NAV3: variants seen among roughly 807,000 people sequenced by gnomAD.
NAV3 encodes the protein pore membrane and/or filament interacting like protein 1.
In NAV3, 87 loss-of-function variants were observed where a neutral mutation model predicts 244.7. The observed-to-expected ratio is 0.36, with a 90% CI of 0.30 to 0.42. NAV3 has a LOEUF of 0.42. Ranked by LOEUF, NAV3 falls within the 20% of genes least tolerant of loss-of-function variation. The probability of loss-of-function intolerance (pLI) is 1.00; values close to 1 mark genes in which losing one functional copy is unlikely to be tolerated. For synonymous variants in NAV3, 1,126 were observed against 1,042.2 expected (o/e 1.08, Z -1.55); for missense variants, 2,663 against 2,893.3 (o/e 0.92, Z 1.83).
At chr12:77,928,171 C>T (rs1212747222) in intron 1 of NAV3, among the ~76,000 whole-genome samples, 2 of 137,072 alleles carry the variant, frequency 1.5e-5, no homozygotes, top group African/African-American at 5.6e-5. Flanking sequence ...TGTAGTGAGC[C>T]GAGACTGCGC....
At chr12:77,816,900 G>C (rs1448931073) in intron 2 of NAV3, among the ~76,000 whole-genome samples, 2 of 152,104 alleles carry the variant, frequency 1.3e-5, no homozygotes, top group Non-Finnish European at 1.5e-5. Flanking sequence ...AACATTTAAA[G>C]CTTGCCGTTC....
At chr12:77,824,659 G>A (rs1177415939) in intron 2 of NAV3, among the ~76,000 whole-genome samples, 1 of 151,960 alleles carries the variant, frequency 6.6e-6, no homozygotes, top group African/African-American at 2.4e-5. Flanking sequence ...TTGGGAGGCC[G>A]AGGAAGGTGG....
At chr12:77,642,637 G>A (rs1156766328) in intron 2 of NAV3, among the ~76,000 whole-genome samples, 1 of 151,982 alleles carries the variant, frequency 6.6e-6, no homozygotes, top group Non-Finnish European at 1.5e-5. Context: ...CCTGGAAATG[G>A]GTTCCTTGGT....
intron 2 of NAV3, among the ~76,000 whole-genome samples, chr12:77,640,935 A>G (rs1185780771): frequency 1.3e-5 from 2 of 152,130 alleles, no homozygotes; most frequent in African/African-American, 4.8e-5. Flanking sequence ...GTGGGCTGAT[A>G]CAAAGTTGTT....
chr12:78,196,871 T>C (rs1317238572), intron 34 of NAV3, among the ~76,000 whole-genome samples: 1 of 151,974 alleles, frequency 6.6e-6, no homozygotes, highest in Non-Finnish European at 1.5e-5. Context: ...TATCATTGAA[T>C]ACCAAAACTC....
intron 34 of NAV3, among the ~76,000 whole-genome samples, chr12:78,193,992 C>T (rs1202612224): frequency 6.6e-6 from 1 of 152,008 alleles, no homozygotes; most frequent in East Asian, 1.9e-4. Flanking sequence ...TCTCTCTGCT[C>T]TTCCTTCACT....
chr12:78,116,031 AT>A (rs1955360885), intron 12 of NAV3, among the ~76,000 whole-genome samples: 1 of 152,184 alleles, frequency 6.6e-6, no homozygotes, highest in Non-Finnish European at 1.5e-5. Context: ...TGGCACGGGC[AT>A]TTCATTTTAG....
At chr12:77,952,718 G>C (rs1891017565) in intron 3 of NAV3, among the ~76,000 whole-genome samples, 1 of 151,964 alleles carries the variant, frequency 6.6e-6, no homozygotes, top group Admixed American at 6.6e-5. Context: ...CCTTCCCTAT[G>C]CCCAAACTTG....
intron 2 of NAV3, among the ~76,000 whole-genome samples, chr12:77,663,207 T>A (rs1419496924): frequency 6.6e-6 from 1 of 152,196 alleles, no homozygotes; most frequent in African/African-American, 2.4e-5. Flanking sequence ...AATTAAGATT[T>A]TTAACTACAT....
intron 2 of NAV3, among the ~76,000 whole-genome samples, chr12:77,700,147 T>C (rs1325306864): frequency 2.0e-5 from 3 of 152,148 alleles, no homozygotes; most frequent in Non-Finnish European, 4.4e-5. Flanking sequence ...CTAATTTGTA[T>C]TGAAATGATT....
chr12:77,612,029 A>G (rs1331820657), intron 2 of NAV3, among the ~76,000 whole-genome samples: 3 of 151,810 alleles, frequency 2.0e-5, no homozygotes, highest in African/African-American at 7.3e-5. Context: ...TTCATTGTAC[A>G]TGTCTAGTTT....
intron 18 of NAV3, among the ~76,000 whole-genome samples, chr12:78,132,680 C>CTTTT (rs942740046): frequency 6.6e-6 from 1 of 151,908 alleles, no homozygotes; most frequent in Non-Finnish European, 1.5e-5. Context: ...TTCCTGTAGA[C>CTTTT]TTTTTTTTAT....
intron 12 of NAV3, among the ~76,000 whole-genome samples, chr12:78,108,749 C>A (rs429859): frequency 0.051 from 7,786 of 152,058 alleles, 263 homozygotes; most frequent in Non-Finnish European, 0.072. Flanking sequence ...TCAAAAAATT[C>A]TTGTAACAAA....
At chr12:77,669,305 A>G (rs550758848) in intron 2 of NAV3, among the ~76,000 whole-genome samples, 2 of 152,280 alleles carry the variant, frequency 1.3e-5, no homozygotes, top group East Asian at 3.9e-4. Context: ...AAAACAACGT[A>G]TTCAGGCAAC....
intron 1 of NAV3, among the ~76,000 whole-genome samples, chr12:77,877,100 T>C (rs527887348): frequency 8.1e-4 from 124 of 152,226 alleles, no homozygotes; most frequent in African/African-American, 2.8e-3. Flanking sequence ...AAGTTACTTA[T>C]TGTAAAAATC....
intron 5 of NAV3, among the ~76,000 whole-genome samples, chr12:77,981,687 C>G (rs1320709019): frequency 1.3e-5 from 2 of 151,784 alleles, no homozygotes; most frequent in Non-Finnish European, 2.9e-5. Flanking sequence ...TAACATAATA[C>G]TGTATTATAG....
rs952781041 is a variant in NAV3 at position 77,923,672 on chromosome 12, T to TA, written c.244-16639dup. ...TTCAGTACCTAGTTCATTTTAATAA[T>TA]AAAAAAAAGGTTATATGAAGTTCCA... On this transcript the variant is annotated intron_variant, in intron 1 of 39. Coordinates refer to ENST00000397909, the MANE Select transcript of NAV3 (RefSeq NM_001024383.2). Among the ~76,000 whole-genome samples the TA allele has an allele frequency of 6.7e-4, 101 of 151,618 alleles. 1 individual carries two copies. The highest frequency in any genetic ancestry group is 2.2e-3 in the African/African-American group (90 of 41,298).
At chr12:77,936,470 A>G (rs948363217) in intron 1 of NAV3, among the ~76,000 whole-genome samples, 13 of 152,308 alleles carry the variant, frequency 8.5e-5, no homozygotes, top group African/African-American at 3.1e-4. Flanking sequence ...CAGAACATTC[A>G]TGATTAAAAT....
At chr12:78,180,747 CTTTATT>C in intron 29 of NAV3, 118 bp from the exon 30 acceptor site, 1 of 776,678 alleles carries the variant, frequency 1.3e-6, no homozygotes, top group Non-Finnish European at 2.0e-6. Flanking sequence ...TCTTATATTT[CTTTATT>C]TAACATATTA....
Sources: allele counts gnomAD v4.1 joint callset (sites outside exome capture counted in the v4.1 genomes callset), GRCh38; gene constraint gnomAD v4.1.1; transcripts MANE v1.5; gene names NCBI Gene and HGNC (gene_info 2026-07-23, HGNC 2026-07-21).